The following ADAMTSL1 variants were observed in gnomAD, a reference collection of about 807,000 sequenced individuals.
ADAMTSL1 encodes the protein ADAMTS-like protein 1.
A neutral mutation model predicts 201.8 loss-of-function variants in ADAMTSL1; 126 were observed. The observed-to-expected ratio is 0.62, with a 90% CI of 0.54 to 0.72. The LOEUF is 0.72. ADAMTSL1 is among the 30% of genes least tolerant of loss of function. The pLI, the probability that ADAMTSL1 is intolerant of heterozygous loss-of-function variation, is 0.00. For synonymous variants in ADAMTSL1, 1,121 were observed against 903.4 expected, an observed-to-expected ratio of 1.24 and a Z score of -4.32; for missense variants, 2,679 against 2,277.8, an observed-to-expected ratio of 1.18 and a Z score of -3.59.
At chr9:18,609,742 G>T (rs1004747018) in intron 4 of ADAMTSL1, among the ~76,000 whole-genome samples, 2 of 152,108 alleles carry the variant, frequency 1.3e-5, no homozygotes, top group African/African-American at 4.8e-5. Flanking sequence ...AACACACAGG[G>T]TCTGATAATT....
intron 1 of ADAMTSL1, among the ~76,000 whole-genome samples, chr9:18,147,444 G>T (rs1210479747): frequency 6.6e-6 from 1 of 152,070 alleles, no homozygotes; most frequent in Non-Finnish European, 1.5e-5. Flanking sequence ...ACACAGTCTT[G>T]GTTTCCATCA....
intron 2 of ADAMTSL1, among the ~76,000 whole-genome samples, chr9:18,402,245 G>C (rs1240612183): frequency 2.0e-5 from 3 of 152,142 alleles, no homozygotes; most frequent in Non-Finnish European, 4.4e-5. Context: ...CCTAAAATAA[G>C]AAGAAACCCT....
rs560387549 is a variant in ADAMTSL1 at position 18,142,984 on chromosome 9, G to C, written c.88-20878G>C. On this transcript the variant is annotated intron_variant, in intron 1 of 29. Coordinates refer to the ADAMTSL1 transcript ENST00000680146. ...CTAGTGTACATGAAACACTAGTCTG[G>C]GTTTTGGAATCCAGTAGGGACTCAG... 6.6e-5 allele frequency among the ~76,000 whole-genome samples: 10 copies of C among 152,252 alleles called. No individual in the cohort carries two copies. The South Asian group carries it at 1.5e-3, about 22-fold the overall frequency.
intron 2 of ADAMTSL1, among the ~76,000 whole-genome samples, chr9:18,290,781 G>GT (rs71492936): frequency 0.021 from 2,887 of 134,924 alleles, 111 homozygotes; most frequent in African/African-American, 0.079. Context: ...TTTTTTGTGT[G>GT]TTTTTTTTTT....
Position 18,777,010 on chromosome 9 carries a change from C to T in ADAMTSL1, c.2781C>T (p.Ala927=). The T allele has an allele frequency of 6.2e-7, 1 of 1,605,108 alleles. No homozygotes were observed. Among genetic ancestry groups the T allele is most frequent in the African/African-American group, 1.3e-5 (1 of 74,832 alleles). The part of the protein sequence containing the change: ...HLISSTHVTV[A]PFGYLKIHRL... The stretch of plus-strand genomic sequence containing the variant: ...TCAGCTCGACGCACGTCACGGTGGC[C>T]CCCTTCGGCTATCTCAAGATCCACC... The change falls in exon 19 of 29, where the codon GCC becomes GCT. Residue 927 remains alanine (A), a synonymous_variant. Transcript: ENST00000380548.
chr9:18,173,785 C>A (rs574773675), intron 2 of ADAMTSL1, among the ~76,000 whole-genome samples: 4 of 152,064 alleles, frequency 2.6e-5, no homozygotes, highest in Admixed American at 2.6e-4. Flanking sequence ...ATAAATAACA[C>A]GTGTGAATTT....
rs563500504 is a variant in ADAMTSL1, at chr9:18,890,976, C to T, written c.4643+1228C>T. Among the ~76,000 whole-genome samples, 9 of 152,286 alleles carry T rather than the reference C, an allele frequency of 5.9e-5. 1 individual carries two copies. In the East Asian group the frequency reaches 1.3e-3, roughly 23 times the overall value. On this transcript the variant is annotated intron_variant, in intron 25 of 28. Coordinates refer to ENST00000380548, the MANE Select transcript of ADAMTSL1 (RefSeq NM_001040272.6). Reference sequence around the variant, plus strand: ...CTGTTTTCTTGGATTTCAATGCCCCCGGGAGTTTTTAAACACCTCTTGCCT... The same window carrying T: ...CTGTTTTCTTGGATTTCAATGCCCCTGGGAGTTTTTAAACACCTCTTGCCT...
At position 18,344,493 on chromosome 9, in the gene ADAMTSL1, A is replaced by G. The variant is rs150923022; in HGVS notation, c.208-160336A>G. On this transcript the variant is annotated intron_variant, in intron 2 of 29. Transcript: ENST00000680146. ...TAATGACATATTCTGCACCATATCT[A>G]TATGTATCTTTTAAATTTGGAAACC... Among the ~76,000 whole-genome samples the G allele has an allele frequency of 9.1e-4, 139 of 152,096 alleles. 1 individual carries two copies. The highest frequency in any genetic ancestry group is 2.8e-3 in the African/African-American group (115 of 41,482).
intron 7 of ADAMTSL1, among the ~76,000 whole-genome samples, chr9:18,648,351 T>A (rs1316716138): frequency 6.6e-6 from 1 of 150,900 alleles, no homozygotes; most frequent in Non-Finnish European, 1.5e-5. Context: ...AATTTGCCAG[T>A]CTGTGTCTTT....
intron 1 of ADAMTSL1, among the ~76,000 whole-genome samples, chr9:18,136,485 A>C (rs1826163006): frequency 6.6e-6 from 1 of 152,134 alleles, no homozygotes; most frequent in Admixed American, 6.6e-5. Flanking sequence ...AGGAGAGATA[A>C]CTGTGTAAAC....
intron 2 of ADAMTSL1, among the ~76,000 whole-genome samples, chr9:18,451,399 A>T (rs1204855416): frequency 2.0e-5 from 3 of 152,208 alleles, no homozygotes; most frequent in Non-Finnish European, 2.9e-5. Flanking sequence ...TATACCTGCA[A>T]ATTGAACACA....
At position 18,777,874 on chromosome 9, in the gene ADAMTSL1, C is replaced by G. The variant is rs375712265; in HGVS notation, c.3645C>G (p.Ala1215=). The G allele has an allele frequency of 1.4e-5, 22 of 1,561,904 alleles. No individual in the cohort carries two copies. In the African/African-American group the frequency reaches 2.2e-4, roughly 15 times the overall value. The change falls in exon 19 of 29, where the codon GCC becomes GCG. Residue 1215 remains alanine (A), a synonymous_variant. Coordinates refer to ENST00000380548, the MANE Select transcript of ADAMTSL1 (RefSeq NM_001040272.6). ...IGHPRPTISW[A]RNGEEVQFSD... is the part of the protein sequence containing the mutation. ...ACCCAAGGCCTACCATCAGCTGGGC[C>G]AGGAATGGAGAAGAAGTTCAGTTCA...
intron 20 of ADAMTSL1, among the ~76,000 whole-genome samples, chr9:18,816,720 C>CTTTTTTTTTTTTT (rs751791974): frequency 5.0e-5 from 2 of 39,720 alleles, no homozygotes; most frequent in African/African-American, 1.0e-4. Context: ...AACCCTTGGT[C>CTTTTTTTTTTTTT]TTTTTTTTTT....
chr9:18,133,670 G>C (rs1944743), intron 1 of ADAMTSL1, among the ~76,000 whole-genome samples: 56,817 of 150,936 alleles, frequency 0.38, 11,601 homozygotes, highest in African/African-American at 0.55. Context: ...TCACACCCAG[G>C]TCCCTATGGC....
At chr9:18,076,013 C>G (rs1823206962) in intron 1 of ADAMTSL1, among the ~76,000 whole-genome samples, 1 of 152,204 alleles carries the variant, frequency 6.6e-6, no homozygotes, top group South Asian at 2.1e-4. Flanking sequence ...ATTTAAACAT[C>G]ACCTCAAGAT....
chr9:17,961,907 T>C (rs1393533726), intron 1 of ADAMTSL1, among the ~76,000 whole-genome samples: 2 of 152,158 alleles, frequency 1.3e-5, no homozygotes, highest in Admixed American at 6.5e-5. Context: ...CCTGGAGCCA[T>C]AAGCTTAGAC....
intron 2 of ADAMTSL1, among the ~76,000 whole-genome samples, chr9:18,248,045 A>C (rs1316410544): frequency 1.3e-5 from 2 of 152,062 alleles, no homozygotes; most frequent in African/African-American, 4.8e-5. Context: ...AAGGTTTCTC[A>C]TTTGTGTACT....
chr9:18,642,473 A>G (rs1160562541), intron 7 of ADAMTSL1, among the ~76,000 whole-genome samples: 1 of 152,024 alleles, frequency 6.6e-6, no homozygotes, highest in Non-Finnish European at 1.5e-5. Flanking sequence ...AACTTTCACA[A>G]ATACAATACA....
intron 2 of ADAMTSL1, among the ~76,000 whole-genome samples, chr9:18,171,113 A>G (rs1011479225): frequency 1.3e-5 from 2 of 152,096 alleles, no homozygotes; most frequent in African/African-American, 2.4e-5. Context: ...GTGTTGCTCT[A>G]TTTGTTACAA....
Sources: allele counts gnomAD v4.1 joint callset (sites outside exome capture counted in the v4.1 genomes callset), GRCh38; gene constraint gnomAD v4.1.1; transcripts MANE v1.5; gene names NCBI Gene and HGNC (gene_info 2026-07-23, HGNC 2026-07-21).